Variants in SPOCK3 observed in about 807,000 individuals in gnomAD.
The protein encoded by SPOCK3 is SPARC (osteonectin), cwcv and kazal like domains proteoglycan 3.
SPOCK3 carries 30 observed loss-of-function variants against 56.6 expected under a neutral mutation model. The ratio of observed to expected loss-of-function variants is 0.53; its 90% CI spans 0.40 to 0.72. SPOCK3 has a LOEUF of 0.72. SPOCK3 is among the 30% of genes least tolerant of loss of function. The pLI is 0.00. For synonymous variants in SPOCK3, 196 were observed against 183.3 expected, an observed-to-expected ratio of 1.07 and a Z score of -0.56; for missense variants, 527 against 530.0, an observed-to-expected ratio of 0.99 and a Z score of 0.06.
At chr4:167,119,678 A>G in intron 2 of SPOCK3, 1 of 687,010 alleles carries the variant, frequency 1.5e-6, no homozygotes, top group Non-Finnish European at 2.4e-6. Context: ...TGTTTGATGC[A>G]TATCAGAAAA....
chr4:166,908,272 TCACACACA>T lies in SPOCK3; in HGVS notation c.474+4340_474+4347del, dbSNP rs5863846. Among the ~76,000 whole-genome samples, 358 of 138,538 alleles carry T rather than the reference TCACACACA, an allele frequency of 2.6e-3. 1 individual carries two copies. The highest frequency in any genetic ancestry group is 3.1e-3 in the African/African-American group (117 of 37,168). The allele number at this position is 138,538 out of a possible 152,430, so 90.9% of individuals were successfully genotyped here. ...TCCCCTTTAATGCTAATGTTATTGTTCACACACACACACACACACACACACACACACAC... is the reference window on the plus strand; with the variant it reads ...TCCCCTTTAATGCTAATGTTATTGTTCACACACACACACACACACACACAC... On this transcript the variant is annotated intron_variant, in intron 5 of 10. Coordinates refer to ENST00000357545, the MANE Select transcript of SPOCK3 (RefSeq NM_001040159.2).
chr4:166,880,411 G>A (rs2126978072), intron 6 of SPOCK3, among the ~76,000 whole-genome samples: 1 of 152,218 alleles, frequency 6.6e-6, no homozygotes, highest in East Asian at 1.9e-4. Flanking sequence ...CCAGAACTGA[G>A]CCACTGCTTT....
rs141028858 is a variant in SPOCK3, at chr4:166,803,302, T to C, written c.590-11013A>G. 2.1e-3 allele frequency among the ~76,000 whole-genome samples: 320 copies of C among 152,300 alleles called. 1 individual carries two copies. Among genetic ancestry groups the C allele is most frequent in the Non-Finnish European group, 4.1e-3 (279 of 68,024 alleles). On this transcript the variant is annotated intron_variant, in intron 6 of 10. Coordinates refer to ENST00000357545, the MANE Select transcript of SPOCK3 (RefSeq NM_001040159.2). ...TCTGAAACTTTGATTCATAAATAAT[T>C]TGCCTTTTGAGGACCAGCCTAAGGA...
At chr4:166,744,497 C>T (rs1274177840) in intron 8 of SPOCK3, among the ~76,000 whole-genome samples, 3 of 152,052 alleles carry the variant, frequency 2.0e-5, no homozygotes, top group Non-Finnish European at 4.4e-5. Context: ...TCATCAAAGA[C>T]CAAAGGTAGA....
chr4:166,915,437 T>A (rs1737740403), intron 4 of SPOCK3, among the ~76,000 whole-genome samples: 1 of 152,168 alleles, frequency 6.6e-6, no homozygotes, highest in Admixed American at 6.5e-5. Flanking sequence ...CTTAGAAAAA[T>A]TAGCCAAGTA....
rs1210336119 is a variant in SPOCK3, at chr4:166,734,290, A to G, written c.*631T>C. 1.3e-5 allele frequency: 2 copies of G among 151,892 alleles called. No individual in the cohort carries two copies. Among genetic ancestry groups the G allele is most frequent in the Non-Finnish European group, 2.9e-5 (2 of 67,832 alleles). 9.4% of individuals were successfully genotyped at this position (151,892 alleles called of 1,614,324 possible). Reference sequence around the variant, plus strand: ...GAACAACTAAATTTTTAACTTTCAGAATCCATGGTTTTCCATACTTGCCAT... The same window carrying G: ...GAACAACTAAATTTTTAACTTTCAGGATCCATGGTTTTCCATACTTGCCAT... On this transcript the variant is annotated 3_prime_UTR_variant, in exon 11 of 11. Transcript: ENST00000357545.
intron 2 of SPOCK3, among the ~76,000 whole-genome samples, chr4:167,215,512 C>A (rs1735270087): frequency 6.6e-6 from 1 of 151,990 alleles, no homozygotes; most frequent in Admixed American, 6.6e-5. Flanking sequence ...CGTAACAGGA[C>A]AAAGGCCGCC....
chr4:166,745,864 C>A (rs4549411), intron 8 of SPOCK3, among the ~76,000 whole-genome samples: 49,452 of 151,906 alleles, frequency 0.33, 8,236 homozygotes, highest in Admixed American at 0.41. Flanking sequence ...AGACTTTAAA[C>A]CAACAAAGAT....
Position 166,926,537 on chromosome 4 carries a change from CT to C in SPOCK3, c.351-13795del, listed in dbSNP as rs536719151. Among the ~76,000 whole-genome samples, 9 of 143,780 alleles carry C rather than the reference CT, an allele frequency of 6.3e-5. No homozygotes were observed. The East Asian group carries it at 1.7e-3, about 28-fold the overall frequency. 94.3% of individuals were successfully genotyped at this position (143,780 alleles called of 152,430 possible). Reference sequence around the variant, plus strand: ...TTTGCTGTTGTTGTTTTTGTTTTTGCTTTTTTTGTTTTTTTTGATGAGTATT... The same window carrying C: ...TTTGCTGTTGTTGTTTTTGTTTTTGCTTTTTTGTTTTTTTTGATGAGTATT... On this transcript the variant is annotated intron_variant, in intron 4 of 10. Transcript: ENST00000357545.
intron 6 of SPOCK3, among the ~76,000 whole-genome samples, chr4:166,825,960 C>A (rs1745425128): frequency 6.6e-6 from 1 of 152,054 alleles, no homozygotes; most frequent in East Asian, 1.9e-4. Context: ...GCTTGGGTGA[C>A]AGGTGCACCA....
At chr4:166,879,853 G>A (rs796103254) in intron 6 of SPOCK3, among the ~76,000 whole-genome samples, 5 of 152,220 alleles carry the variant, frequency 3.3e-5, no homozygotes, top group African/African-American at 4.8e-5. Context: ...GTACTGTCCC[G>A]AGTTCTCATA....
At chr4:167,208,076 A>G (rs528009184) in intron 2 of SPOCK3, among the ~76,000 whole-genome samples, 60 of 152,150 alleles carry the variant, frequency 3.9e-4, no homozygotes, top group Non-Finnish European at 7.6e-4. Flanking sequence ...ATTCCTAAGT[A>G]TTTGGCAAAC....
At chr4:166,905,783 G>A (rs1436541187) in intron 5 of SPOCK3, among the ~76,000 whole-genome samples, 3 of 151,848 alleles carry the variant, frequency 2.0e-5, no homozygotes, top group Non-Finnish European at 4.4e-5. Context: ...TAGCAAAGTG[G>A]CAATATACAA....
chr4:166,851,532 G>A (rs929662313), intron 6 of SPOCK3, among the ~76,000 whole-genome samples: 28 of 152,192 alleles, frequency 1.8e-4, no homozygotes, highest in Non-Finnish European at 7.3e-5. Flanking sequence ...GCTACAGGAG[G>A]AAATTCAAAC....
chr4:167,188,723 A>AT (rs1732228713), intron 2 of SPOCK3, among the ~76,000 whole-genome samples: 1 of 146,184 alleles, frequency 6.8e-6, no homozygotes, highest in Non-Finnish European at 1.5e-5. Flanking sequence ...CACCAGATTT[A>AT]TTTTTCAAAA....
intron 4 of SPOCK3, among the ~76,000 whole-genome samples, chr4:166,974,057 T>A (rs1745682065): frequency 6.6e-6 from 1 of 152,160 alleles, no homozygotes; most frequent in Non-Finnish European, 1.5e-5. Flanking sequence ...AAGAGTAAAC[T>A]GAAAAATAAC....
chr4:167,024,845 G>C (rs901568964), intron 3 of SPOCK3, among the ~76,000 whole-genome samples: 2 of 151,212 alleles, frequency 1.3e-5, no homozygotes, highest in African/African-American at 4.9e-5. Flanking sequence ...ATAACCTATG[G>C]AAAAATAAAA....
intron 3 of SPOCK3, among the ~76,000 whole-genome samples, chr4:167,027,960 T>C (rs545751562): frequency 5.4e-4 from 82 of 152,228 alleles, no homozygotes; most frequent in African/African-American, 1.9e-3. Context: ...ACAGTTGGGT[T>C]GCATGTATTT....
intron 6 of SPOCK3, among the ~76,000 whole-genome samples, chr4:166,827,866 G>A (rs983771262): frequency 2.7e-5 from 4 of 150,596 alleles, no homozygotes; most frequent in Non-Finnish European, 5.9e-5. Flanking sequence ...ATGACTGAAT[G>A]TAAATCATTC....
Sources: allele counts gnomAD v4.1 joint callset (sites outside exome capture counted in the v4.1 genomes callset), GRCh38; gene constraint gnomAD v4.1.1; transcripts MANE v1.5; gene names NCBI Gene and HGNC (gene_info 2026-07-23, HGNC 2026-07-21).